TRPM3: variants seen among roughly 807,000 people sequenced by gnomAD.
TRPM3 encodes the protein long transient receptor potential channel 3.
TRPM3 carries 77 observed loss-of-function variants against 181.2 expected under a neutral mutation model. The observed-to-expected ratio is 0.42, with a 90% CI of 0.35 to 0.51. The LOEUF (loss-of-function observed/expected upper bound fraction) is 0.51. Ranked by LOEUF, TRPM3 falls within the 20% of genes least tolerant of loss-of-function variation. TRPM3 has a pLI of 0.01. For synonymous variants in TRPM3, 745 were observed against 796.4 expected (o/e 0.94, Z 1.09); for missense variants, 1,759 against 2,196.7 (o/e 0.80, Z 3.98).
intron 7 of TRPM3, among the ~76,000 whole-genome samples, chr9:70,773,700 C>A (rs184670317): frequency 6.6e-6 from 1 of 152,142 alleles, no homozygotes; most frequent in African/African-American, 2.4e-5. Context: ...CAAGCAGTAA[C>A]CTACACTAAA....
chr9:70,789,680 C>G (rs569303749), intron 6 of TRPM3, among the ~76,000 whole-genome samples: 6 of 152,328 alleles, frequency 3.9e-5, no homozygotes, highest in Admixed American at 6.5e-5. Flanking sequence ...GCCACACTCT[C>G]CAGCTTTTGC....
chr9:71,229,717 T>A (rs1445625091), intron 1 of TRPM3, among the ~76,000 whole-genome samples: 4 of 151,974 alleles, frequency 2.6e-5, no homozygotes, highest in African/African-American at 9.7e-5. Context: ...GAAATGCAAA[T>A]CAAAACTACA....
chr9:70,841,479 G>GTT (rs11384709), intron 5 of TRPM3, among the ~76,000 whole-genome samples: 4,305 of 150,246 alleles, frequency 0.029, 89 homozygotes, highest in Middle Eastern at 0.059. Flanking sequence ...GATTTAAAGT[G>GTT]TTTTTTTATT....
intron 1 of TRPM3, among the ~76,000 whole-genome samples, chr9:71,056,616 G>A (rs2060689470): frequency 6.6e-6 from 1 of 152,036 alleles, no homozygotes; most frequent in Non-Finnish European, 1.5e-5. Flanking sequence ...TAAGTCTTCA[G>A]TGTGAGCCCT....
At chr9:70,789,210 T>A (rs1166786474) in intron 6 of TRPM3, among the ~76,000 whole-genome samples, 1 of 152,212 alleles carries the variant, frequency 6.6e-6, no homozygotes, top group Non-Finnish European at 1.5e-5. Context: ...TTTTAGAATG[T>A]CAAGAATGCT....
chr9:70,572,741 G>T (rs796468074), intron 22 of TRPM3, among the ~76,000 whole-genome samples: 4 of 152,190 alleles, frequency 2.6e-5, no homozygotes, highest in African/African-American at 7.2e-5. Context: ...ACTAAGATGA[G>T]TTCTCACTGG....
intron 1 of TRPM3, among the ~76,000 whole-genome samples, chr9:71,120,752 T>G (rs2073456443): frequency 6.6e-6 from 1 of 152,162 alleles, no homozygotes; most frequent in Non-Finnish European, 1.5e-5. Context: ...TCTGGTTCCA[T>G]TTAAAGGGAA....
chr9:71,217,538 C>T (rs1412870803), intron 1 of TRPM3, among the ~76,000 whole-genome samples: 1 of 152,204 alleles, frequency 6.6e-6, no homozygotes, highest in Non-Finnish European at 1.5e-5. Context: ...TAGTGCAGTA[C>T]TGTGCTTATA....
intron 1 of TRPM3, among the ~76,000 whole-genome samples, chr9:71,169,638 G>A (rs536057319): frequency 5.3e-4 from 80 of 151,888 alleles, no homozygotes; most frequent in Non-Finnish European, 8.8e-4. Context: ...AGGCACGGAG[G>A]AAAAATATAT....
intron 8 of TRPM3, among the ~76,000 whole-genome samples, chr9:70,738,957 A>G (rs931271260): frequency 3.9e-5 from 6 of 152,080 alleles, no homozygotes; most frequent in Admixed American, 1.3e-4. Context: ...ACAGACCAAT[A>G]ACAAGCAGCA....
intron 1 of TRPM3, among the ~76,000 whole-genome samples, chr9:71,350,871 G>T (rs145946530): frequency 1.3e-5 from 2 of 152,154 alleles, no homozygotes; most frequent in Non-Finnish European, 2.9e-5. Context: ...ATGGTAACTG[G>T]TGTGGAAGAT....
intron 1 of TRPM3, among the ~76,000 whole-genome samples, chr9:71,437,864 GAAAAAAAAAAAA>G (rs35701065): frequency 8.6e-6 from 1 of 116,408 alleles, no homozygotes. Context: ...CGAAACTCCG[GAAAAAAAAAAAA>G]AAAAGAAAAA....
At chr9:70,993,004 C>G (rs1023899266) in intron 1 of TRPM3, among the ~76,000 whole-genome samples, 2 of 151,998 alleles carry the variant, frequency 1.3e-5, no homozygotes, top group Non-Finnish European at 2.9e-5. Context: ...AGTACAAACC[C>G]CCAAGAGATT....
intron 1 of TRPM3, among the ~76,000 whole-genome samples, chr9:71,033,679 C>G (rs2134729224): frequency 6.6e-6 from 1 of 152,286 alleles, no homozygotes; most frequent in South Asian, 2.1e-4. Flanking sequence ...CCATGCAGTT[C>G]AAAAACAAGA....
intron 1 of TRPM3, among the ~76,000 whole-genome samples, chr9:71,421,802 A>G (rs2093779419): frequency 6.6e-6 from 1 of 151,956 alleles, no homozygotes; most frequent in Non-Finnish European, 1.5e-5. Flanking sequence ...TGTGCTTCTA[A>G]ACATAGCAAA....
At chr9:71,052,669 A>G (rs1016556134) in intron 1 of TRPM3, among the ~76,000 whole-genome samples, 2 of 152,110 alleles carry the variant, frequency 1.3e-5, no homozygotes, top group African/African-American at 4.8e-5. Context: ...CCAGATAACC[A>G]TTCAAAAAAC....
intron 8 of TRPM3, among the ~76,000 whole-genome samples, chr9:70,755,810 G>T (rs1053457866): frequency 1.3e-5 from 2 of 152,110 alleles, no homozygotes; most frequent in Non-Finnish European, 2.9e-5. Flanking sequence ...CCTCACCAGA[G>T]CTCCTGAAGG....
intron 1 of TRPM3, among the ~76,000 whole-genome samples, chr9:71,054,159 A>T (rs1591020576): frequency 6.6e-6 from 1 of 152,116 alleles, no homozygotes; most frequent in East Asian, 1.9e-4. Flanking sequence ...GCTTCCTCAG[A>T]TTAAAGATAA....
intron 1 of TRPM3, among the ~76,000 whole-genome samples, chr9:71,231,044 T>C (rs1208741766): frequency 3.3e-5 from 5 of 152,208 alleles, no homozygotes; most frequent in African/African-American, 9.7e-5. Context: ...TGTTCTTCCA[T>C]GGAATATATC....
Sources: gnomAD v4.1 joint callset for allele counts (sites outside exome capture counted in the v4.1 genomes callset) on GRCh38, gnomAD v4.1.1 for gene constraint, MANE v1.5 for transcripts, NCBI Gene and HGNC (gene_info 2026-07-23, HGNC 2026-07-21) for gene names.